SLC37A3: variants seen among roughly 807,000 people sequenced by gnomAD.
SLC37A3 encodes solute carrier family 37 member 3, also known as sugar phosphate exchanger 3.
In SLC37A3, 51 loss-of-function variants were observed where a neutral mutation model predicts 67.1. That is an observed-to-expected ratio of 0.76 (90% CI 0.61 to 0.96). The LOEUF (loss-of-function observed/expected upper bound fraction) is 0.96, where lower values mean the gene tolerates loss of function less well. Among genes scored for constraint, SLC37A3 ranks in the 40% least tolerant of loss-of-function variants. The probability of loss-of-function intolerance (pLI) is 0.00; values close to 1 mark genes in which losing one functional copy is unlikely to be tolerated. For missense variants in SLC37A3, 508 were observed against 603.0 expected (o/e 0.84, Z 1.65); for synonymous variants, 214 against 231.4 (o/e 0.92, Z 0.68).
At chr7:140,360,768 C>G (rs1212966312) in intron 5 of SLC37A3, among the ~76,000 whole-genome samples, 1 of 150,276 alleles carries the variant, frequency 6.7e-6, no homozygotes, top group Admixed American at 6.6e-5. Flanking sequence ...AGATATGGAT[C>G]CTCCCCTACA....
chr7:140,365,514 A>G (rs1161400411), intron 4 of SLC37A3, among the ~76,000 whole-genome samples: 1 of 152,220 alleles, frequency 6.6e-6, no homozygotes, highest in Non-Finnish European at 1.5e-5. Flanking sequence ...TGAGGTGAAG[A>G]GTTCAAGACC....
chr7:140,369,433 GAATA>G (rs1164796711), intron 4 of SLC37A3, among the ~76,000 whole-genome samples, 153 bp downstream of exon 4: 1 of 152,170 alleles, frequency 6.6e-6, no homozygotes, highest in Non-Finnish European at 1.5e-5. Context: ...TCGAATGAAT[GAATA>G]AATGAATGGG....
chr7:140,335,983 G>A (rs1264392966), intron 14 of SLC37A3, among the ~76,000 whole-genome samples: 2 of 152,164 alleles, frequency 1.3e-5, no homozygotes, highest in Admixed American at 6.5e-5. Context: ...ACTATCCTGG[G>A]GCTCCTTGAC....
At position 140,393,898 on chromosome 7, in the gene SLC37A3, C is replaced by T. The variant is rs556013297; in HGVS notation, c.-71+4518G>A. Among the ~76,000 whole-genome samples the T allele has an allele frequency of 7.2e-5, 11 of 152,246 alleles. No individual in the cohort carries two copies. The South Asian group carries it at 1.2e-3, about 17-fold the overall frequency. ...CAATAAAGATTTTTTGGGCCGGGCG[C>T]GATGGCTCACACTTGTAATCTCAAC... On this transcript the variant is annotated intron_variant, in intron 1 of 14. Coordinates refer to ENST00000326232, the MANE Select transcript of SLC37A3 (RefSeq NM_207113.3).
In SLC37A3 at chr7:140,358,844, G is replaced by A. The variant is rs572770151; in HGVS notation, c.376-59C>T. The A allele has an allele frequency of 1.9e-5, 30 of 1,595,854 alleles. No homozygotes were observed. The African/African-American group carries it at 2.0e-4, about 11-fold the overall frequency. ...AGCCACACTGACACTTTCAGTGGAC[G>A]CCACTCTACCCACTTGCTTCAGAGT... On this transcript the variant is annotated intron_variant, in intron 5 of 14. Transcript: ENST00000326232.
In SLC37A3 at chr7:140,334,622, T is replaced by C. The variant is rs945165891; in HGVS notation, c.*790A>G. On this transcript the variant is annotated 3_prime_UTR_variant, in exon 15 of 15. Transcript: ENST00000326232. ...GAGTTACACGTCGGAATGTTCAAGATAAATGATGTACCTTATGGTCCTTTA... is the reference window on the plus strand; with the variant it reads ...GAGTTACACGTCGGAATGTTCAAGACAAATGATGTACCTTATGGTCCTTTA... 41 of 152,880 alleles carry C rather than the reference T, an allele frequency of 2.7e-4. No homozygotes were observed. The highest frequency in any genetic ancestry group is 9.7e-4 in the African/African-American group (40 of 41,448). 9.5% of individuals were successfully genotyped at this position (152,880 alleles called of 1,614,324 possible). A position where few individuals can be genotyped will look rare whatever the true frequency, so the allele number is the denominator to read the frequency against.
chr7:140,370,476 C>G (rs1797778668), intron 3 of SLC37A3: 1 of 152,172 alleles, frequency 6.6e-6, no homozygotes, highest in Admixed American at 6.6e-5. Flanking sequence ...GCGATCTCAT[C>G]TGATGTGGAA....
Position 140,380,216 on chromosome 7 carries a change from T to G in SLC37A3, c.198+66A>C. On this transcript the variant is annotated intron_variant, in intron 3 of 14. Coordinates refer to ENST00000326232, the MANE Select transcript of SLC37A3 (RefSeq NM_207113.3). ...CAAGTAAAAGATGCAAAAAAGAGCT[T>G]AAGAACAATCTAGGGGTGGGCACGG... 7.4e-6 allele frequency: 7 copies of G among 946,302 alleles called. No individual in the cohort carries two copies. The South Asian group carries it at 1.1e-4, about 14-fold the overall frequency. 58.6% of individuals were successfully genotyped at this position (946,302 alleles called of 1,614,324 possible). A position where few individuals can be genotyped will look rare whatever the true frequency, so the allele number is the denominator to read the frequency against.
rs1796052240 is a variant in SLC37A3, at chr7:140,334,348, A to G, written c.*1064T>C. The G allele has an allele frequency of 6.6e-6, 1 of 152,288 alleles. No homozygotes were observed. Among genetic ancestry groups the G allele is most frequent in the South Asian group, 2.1e-4 (1 of 4,830 alleles). 9.4% of individuals were successfully genotyped at this position (152,288 alleles called of 1,614,324 possible). On this transcript the variant is annotated 3_prime_UTR_variant, in exon 15 of 15. Coordinates refer to ENST00000326232, the MANE Select transcript of SLC37A3 (RefSeq NM_207113.3). ...TAAGCTGTGGTGTCCAGTCAGGGGTATTAAATGCATTTGACTTCCAATGGG... is the reference window on the plus strand; with the variant it reads ...TAAGCTGTGGTGTCCAGTCAGGGGTGTTAAATGCATTTGACTTCCAATGGG...
rs35674101 is a variant in SLC37A3 at position 140,395,379 on chromosome 7, TAAAAAAA to T, written c.-71+3030_-71+3036del. Among the ~76,000 whole-genome samples, 198 of 77,804 alleles carry T rather than the reference TAAAAAAA, an allele frequency of 2.5e-3. 1 individual carries two copies. Among genetic ancestry groups the T allele is most frequent in the African/African-American group, 9.6e-3 (183 of 19,034 alleles). 51.0% of individuals were successfully genotyped at this position (77,804 alleles called of 152,430 possible). On this transcript the variant is annotated intron_variant, in intron 1 of 14. Transcript: ENST00000326232. ...GACAAAGCGAGACTCCATCTCAAAT[TAAAAAAA>T]AAAAAAAAAAAAAAAAAGAGCTATA...
At position 140,358,723 on chromosome 7, in the gene SLC37A3, G is replaced by T. The variant is rs1797137535; in HGVS notation, c.438C>A (p.Cys146Ter). ...LRFYNKWLYC[C>*]LWIVNGLLQS... ...GCAGCAGGCCGTTCACAATCCACAG[G>T]CAGCAGTACAGCCATTTGTTGTAGA... Residue 146 changes from cysteine to a stop codon, truncating the protein, a stop_gained, in exon 6 of 15, where the codon TGC becomes TGA. Transcript: ENST00000326232. LOFTEE classifies it high-confidence loss of function. The T allele has an allele frequency of 6.2e-7, 1 of 1,614,002 alleles. No individual in the cohort carries two copies.
At chr7:140,361,883 G>A (rs925186555) in intron 5 of SLC37A3, among the ~76,000 whole-genome samples, 36 of 145,112 alleles carry the variant, frequency 2.5e-4, no homozygotes, top group African/African-American at 6.6e-4. Flanking sequence ...GTGCAGTGGC[G>A]TGATCTCGGC....
intron 7 of SLC37A3, 97 bp from the exon 8 acceptor site, chr7:140,352,243 A>AGGGGGGGGGGGGGGGGG: frequency 3.1e-6 from 1 of 319,248 alleles, no homozygotes; most frequent in Non-Finnish European, 6.5e-6. Context: ...GGGGTGGGGG[A>AGGGGGGGGGGGGGGGGG]GAGGTGGGAA....
chr7:140,337,416 G>A, intron 13 of SLC37A3, 67 bp from the exon 14 acceptor site: 1 of 1,319,580 alleles, frequency 7.6e-7, no homozygotes, highest in Non-Finnish European at 1.0e-6. Context: ...CAGCTAAAAA[G>A]TAGATTAAAC....
chr7:140,335,073 A>C lies in SLC37A3; in HGVS notation c.*339T>G, dbSNP rs1796078850. On this transcript the variant is annotated 3_prime_UTR_variant, in exon 15 of 15. Coordinates refer to ENST00000326232, the MANE Select transcript of SLC37A3 (RefSeq NM_207113.3). ...TCACTCCATTTTCAAGGCTAGAGAAAGTTCAAGTCCAAAACAACAGTTAAG... is the reference window on the plus strand; with the variant it reads ...TCACTCCATTTTCAAGGCTAGAGAACGTTCAAGTCCAAAACAACAGTTAAG... 4.0e-6 allele frequency: 3 copies of C among 743,852 alleles called. No homozygotes were observed. In the Admixed American group the frequency reaches 9.0e-5, roughly 22 times the overall value. The allele number at this position is 743,852 out of a possible 1,614,324, so 46.1% of individuals were successfully genotyped here.
Position 140,351,464 on chromosome 7 carries a change from C to T in SLC37A3, c.704-13G>A, listed in dbSNP as rs770563997. The T allele has an allele frequency of 8.7e-6, 14 of 1,611,278 alleles. No individual in the cohort carries two copies. The highest frequency in any genetic ancestry group is 3.3e-5 in the South Asian group (3 of 90,852). On this transcript the variant is annotated splice_polypyrimidine_tract_variant and intron_variant, in intron 8 of 14. Transcript: ENST00000326232. ...ATACCCGAGAGACCTAAAATAACAGCGACAGCCACTGTTTATGGAGTGCCT... is the reference window on the plus strand; with the variant it reads ...ATACCCGAGAGACCTAAAATAACAGTGACAGCCACTGTTTATGGAGTGCCT...
Position 140,361,698 on chromosome 7 carries a change from G to A in SLC37A3, c.375+2710C>T, listed in dbSNP as rs1291311409. Among the ~76,000 whole-genome samples the A allele has an allele frequency of 1.2e-3, 174 of 150,142 alleles. 1 individual carries two copies. The highest frequency in any genetic ancestry group is 3.8e-3 in the African/African-American group (158 of 41,042). ...CGAGTGCCTGCGATTGCAGGCGCGCGCCGCCACGCCTGACTGGTTTTCGTT... is the reference window on the plus strand; with the variant it reads ...CGAGTGCCTGCGATTGCAGGCGCGCACCGCCACGCCTGACTGGTTTTCGTT... On this transcript the variant is annotated intron_variant, in intron 5 of 14. Coordinates refer to ENST00000326232, the MANE Select transcript of SLC37A3 (RefSeq NM_207113.3).
At chr7:140,349,557 G>A (rs1431313798) in intron 9 of SLC37A3, among the ~76,000 whole-genome samples, 2 of 151,842 alleles carry the variant, frequency 1.3e-5, no homozygotes, top group Non-Finnish European at 2.9e-5. Context: ...GGACAGAGGG[G>A]CTGACTTCAA....
chr7:140,337,272 G>A lies in SLC37A3; in HGVS notation c.1392+12C>T, dbSNP rs571724850. On this transcript the variant is annotated intron_variant, in intron 14 of 14. Transcript: ENST00000326232. The stretch of plus-strand genomic sequence containing the variant: ...AAATGACTTTTTTTTTTTTAAAGGG[G>A]CACACACTTACCATGAGAATGAAAA... 1.9e-6 allele frequency: 3 copies of A among 1,570,438 alleles called. No individual in the cohort carries two copies. Among genetic ancestry groups the A allele is most frequent in the South Asian group, 2.4e-5 (2 of 83,752 alleles).
Sources: gnomAD v4.1 joint callset for allele counts (sites outside exome capture counted in the v4.1 genomes callset) on GRCh38, gnomAD v4.1.1 for gene constraint, MANE v1.5 for transcripts, NCBI Gene and HGNC (gene_info 2026-07-23, HGNC 2026-07-21) for gene names.